UPP2: variants seen among roughly 807,000 people sequenced by gnomAD.
UPP2 encodes uridine phosphorylase 2, also known as UPase 2.
Under a neutral mutation model 26.7 loss-of-function variants are expected in UPP2, and 23 were observed. That is an observed-to-expected ratio of 0.86 (90% CI 0.62 to 1.22). UPP2 has a LOEUF of 1.22. Among genes scored for constraint, UPP2 ranks in the 50% most tolerant of loss-of-function variants. UPP2 has a pLI of 0.00. For synonymous variants in UPP2, 127 were observed against 141.3 expected, an observed-to-expected ratio of 0.90 and a Z score of 0.72; for missense variants, 387 against 396.7, an observed-to-expected ratio of 0.98 and a Z score of 0.21.
intron 3 of UPP2, among the ~76,000 whole-genome samples, chr2:158,023,241 A>C (rs1387406923): frequency 1.1e-4 from 13 of 115,178 alleles, no homozygotes; most frequent in Non-Finnish European, 1.5e-4. Context: ...GGGGGGGGGC[A>C]TTTGGAAGGC....
In UPP2 at chr2:158,055,218, A is replaced by G. The variant is rs568439771; in HGVS notation, c.147+39332A>G. 9.2e-5 allele frequency among the ~76,000 whole-genome samples: 14 copies of G among 152,264 alleles called. No individual in the cohort carries two copies. In the East Asian group the frequency reaches 2.7e-3, roughly 29 times the overall value. On this transcript the variant is annotated intron_variant, in intron 3 of 9. Coordinates refer to the UPP2 transcript ENST00000605860. ...GTCCCAAGGCGGTGCAGGGTATCAC[A>G]TGGTGAGGGGCTGAGCATGCTAATG...
chr2:158,023,617 C>T (rs1156670817), intron 3 of UPP2, among the ~76,000 whole-genome samples: 2 of 151,946 alleles, frequency 1.3e-5, no homozygotes, highest in African/African-American at 4.8e-5. Flanking sequence ...CCTTTCACAT[C>T]GAGTTGGGAC....
intron 3 of UPP2, among the ~76,000 whole-genome samples, chr2:158,040,882 C>A (rs1684073736): frequency 6.6e-6 from 1 of 152,142 alleles, no homozygotes; most frequent in Non-Finnish European, 1.5e-5. Flanking sequence ...GCCATGCGCC[C>A]AAGGGTTAGT....
intron 2 of UPP2, among the ~76,000 whole-genome samples, chr2:158,006,276 G>A (rs547382734): frequency 1.2e-4 from 18 of 152,216 alleles, no homozygotes; most frequent in Admixed American, 3.9e-4. Context: ...TGGCTAACAC[G>A]GTGAAACCCC....
chr2:158,004,377 G>A (rs1048652409), intron 2 of UPP2, among the ~76,000 whole-genome samples: 5 of 151,494 alleles, frequency 3.3e-5, no homozygotes, highest in Non-Finnish European at 7.4e-5. Context: ...ATAGCAGTAC[G>A]TAGTGGAGAG....
chr2:158,123,658 C>G, intron 5 of UPP2, 91 bp from the exon 6 acceptor site: 1 of 1,473,792 alleles, frequency 6.8e-7, no homozygotes, highest in Non-Finnish European at 9.2e-7. Context: ...TAGACAGCGG[C>G]AGCGTGCTCC....
At chr2:158,129,686 T>A (rs192885372) in intron 6 of UPP2, among the ~76,000 whole-genome samples, 2 of 149,656 alleles carry the variant, frequency 1.3e-5, no homozygotes, top group African/African-American at 5.0e-5. Context: ...GAAAGAGGAA[T>A]GCATAATAAT....
chr2:158,128,057 T>G, intron 6 of UPP2: 1 of 979,320 alleles, frequency 1.0e-6, no homozygotes, highest in Non-Finnish European at 1.2e-6. Context: ...TAACTTGTAT[T>G]CGTGTTTTAA....
intron 3 of UPP2, among the ~76,000 whole-genome samples, chr2:158,079,187 T>C (rs1394210761): frequency 1.3e-5 from 2 of 152,106 alleles, no homozygotes; most frequent in Non-Finnish European, 2.9e-5. Flanking sequence ...CTTTCCTTTA[T>C]AAATTACCCA....
chr2:158,022,951 G>A (rs1468960336), intron 3 of UPP2, among the ~76,000 whole-genome samples: 1 of 152,192 alleles, frequency 6.6e-6, no homozygotes, highest in Non-Finnish European at 1.5e-5. Context: ...TATGCATAGG[G>A]AATGGTGGAG....
intron 3 of UPP2, among the ~76,000 whole-genome samples, chr2:158,026,083 G>A (rs780813134): frequency 3.3e-5 from 5 of 152,026 alleles, no homozygotes; most frequent in Admixed American, 6.6e-5. Flanking sequence ...TGTATCTCCC[G>A]TCGTGCTCTT....
intron 3 of UPP2, among the ~76,000 whole-genome samples, chr2:158,064,781 G>C (rs1474466317): frequency 6.6e-6 from 1 of 151,972 alleles, no homozygotes; most frequent in Non-Finnish European, 1.5e-5. Flanking sequence ...GTAAGGAAGG[G>C]GTCCAGTTTC....
In UPP2 at chr2:158,132,343, G is replaced by T. The variant is rs577962792; in HGVS notation, c.812-2405G>T. Among the ~76,000 whole-genome samples the T allele has an allele frequency of 2.0e-5, 3 of 152,342 alleles. No individual in the cohort carries two copies. In the East Asian group the frequency reaches 5.8e-4, roughly 29 times the overall value. ...TGGTTCACCATGTGCTAGCTCAGGG[G>T]AGGAGTGGATGGAAGGTAGAGAACT... On this transcript the variant is annotated intron_variant, in intron 6 of 6. Transcript: ENST00000005756.
intron 3 of UPP2, chr2:158,065,542 A>G: frequency 2.1e-6 from 1 of 479,270 alleles, no homozygotes; most frequent in Non-Finnish European, 4.0e-6. Context: ...TAACTAAATT[A>G]ACATGGCTCA....
At chr2:158,027,873 C>A (rs1282179832) in intron 3 of UPP2, among the ~76,000 whole-genome samples, 1 of 152,228 alleles carries the variant, frequency 6.6e-6, no homozygotes, top group Non-Finnish European at 1.5e-5. Flanking sequence ...AGGTTTGGGG[C>A]TTGTATCCTC....
intron 3 of UPP2, among the ~76,000 whole-genome samples, chr2:158,094,894 T>C (rs1271483998): frequency 6.6e-6 from 1 of 152,202 alleles, no homozygotes; most frequent in Non-Finnish European, 1.5e-5. Context: ...CTGTGGAGGC[T>C]GATTTCCCAA....
intron 2 of UPP2, among the ~76,000 whole-genome samples, chr2:158,114,564 T>A (rs1333999006): frequency 6.6e-6 from 1 of 152,254 alleles, no homozygotes; most frequent in Non-Finnish European, 1.5e-5. Flanking sequence ...GCTTGTTCCA[T>A]GAGAATTTCT....
intron 2 of UPP2, among the ~76,000 whole-genome samples, chr2:158,107,339 T>C (rs1683216462): frequency 6.6e-6 from 1 of 152,222 alleles, no homozygotes; most frequent in Non-Finnish European, 1.5e-5. Context: ...CAGATTTAGC[T>C]CTTTTGGATG....
intron 2 of UPP2, among the ~76,000 whole-genome samples, chr2:158,108,395 TC>T (rs1436929639): frequency 2.6e-5 from 4 of 152,024 alleles, no homozygotes; most frequent in Non-Finnish European, 5.9e-5. Context: ...ACCTTAGGTT[TC>T]TCCGATAAAA....
Sources: allele counts gnomAD v4.1 joint callset (sites outside exome capture counted in the v4.1 genomes callset), GRCh38; gene constraint gnomAD v4.1.1; transcripts MANE v1.5; gene names NCBI Gene and HGNC (gene_info 2026-07-23, HGNC 2026-07-21).